NALF1: variants seen among roughly 807,000 people sequenced by gnomAD.
NALF1 encodes NALCN channel auxiliary factor 1, also known as family with sequence similarity 155 member A.
A neutral mutation model predicts 48.4 loss-of-function variants in NALF1; 3 were observed. The ratio of observed to expected loss-of-function variants is 0.06; its 90% CI spans 0.03 to 0.16. The LOEUF (loss-of-function observed/expected upper bound fraction) is 0.16. Ranked by LOEUF, NALF1 falls within the 10% of genes least tolerant of loss-of-function variation. The pLI, the probability that NALF1 is intolerant of heterozygous loss-of-function variation, is 1.00. For missense variants in NALF1, 526 were observed against 571.5 expected (o/e 0.92, Z 0.81); for synonymous variants, 262 against 245.7 (o/e 1.07, Z -0.62).
intron 1 of NALF1, among the ~76,000 whole-genome samples, chr13:107,487,665 G>A (rs1885351051): frequency 6.6e-6 from 1 of 152,280 alleles, no homozygotes; most frequent in Admixed American, 6.5e-5. Flanking sequence ...TGGATATGCT[G>A]CTGGATTCAG....
intron 1 of NALF1, among the ~76,000 whole-genome samples, chr13:107,564,017 T>A (rs1319732271): frequency 6.6e-6 from 1 of 152,176 alleles, no homozygotes; most frequent in Non-Finnish European, 1.5e-5. Flanking sequence ...TTTGGCCCCT[T>A]ATTGTTCAGG....
At chr13:107,600,793 T>C (rs189526114) in intron 1 of NALF1, among the ~76,000 whole-genome samples, 27 of 152,324 alleles carry the variant, frequency 1.8e-4, no homozygotes, top group African/African-American at 6.0e-4. Context: ...CATTAGTACT[T>C]TGAAATATTC....
chr13:107,316,777 G>T (rs1882158756), intron 1 of NALF1, among the ~76,000 whole-genome samples: 1 of 150,966 alleles, frequency 6.6e-6, no homozygotes, highest in Non-Finnish European at 1.5e-5. Flanking sequence ...TGAGTTCTTT[G>T]TAGATTCTTA....
intron 1 of NALF1, among the ~76,000 whole-genome samples, chr13:107,685,709 C>G (rs2138499908): frequency 6.6e-6 from 1 of 152,278 alleles, no homozygotes; most frequent in East Asian, 1.9e-4. Context: ...ATCGATGGAT[C>G]TCTAAATGTG....
At chr13:107,586,635 A>ATGTTTTTTTTTTTTTTTTTTTT (rs1878464742) in intron 1 of NALF1, among the ~76,000 whole-genome samples, 1 of 93,122 alleles carries the variant, frequency 1.1e-5, no homozygotes. Flanking sequence ...CCCTATGGAG[A>ATGTTTTTTTTTTTTTTTTTTTT]TTTTTTTTTT....
At chr13:107,643,620 A>G (rs566493015) in intron 1 of NALF1, among the ~76,000 whole-genome samples, 1 of 151,496 alleles carries the variant, frequency 6.6e-6, no homozygotes, top group Non-Finnish European at 1.5e-5. Context: ...ATAAAGGGGG[A>G]GGATTATTAG....
intron 1 of NALF1, among the ~76,000 whole-genome samples, chr13:107,419,302 G>C (rs1884144821): frequency 6.6e-6 from 1 of 152,158 alleles, no homozygotes; most frequent in Non-Finnish European, 1.5e-5. Flanking sequence ...AGCTATATTT[G>C]TTAATAAAGA....
At chr13:107,755,151 ATTACT>A (rs545649269) in intron 1 of NALF1, among the ~76,000 whole-genome samples, 170 of 152,238 alleles carry the variant, frequency 1.1e-3, no homozygotes, top group African/African-American at 3.8e-3. Flanking sequence ...TTGTTGACAG[ATTACT>A]TTGCTATGGG....
intron 1 of NALF1, among the ~76,000 whole-genome samples, chr13:107,419,775 C>A (rs537882662): frequency 6.6e-6 from 1 of 152,182 alleles, no homozygotes; most frequent in Admixed American, 6.5e-5. Flanking sequence ...ATCACATGAA[C>A]AAGTGGAATA....
chr13:107,778,545 C>T (rs953252853), intron 1 of NALF1, among the ~76,000 whole-genome samples: 1 of 152,152 alleles, frequency 6.6e-6, no homozygotes, highest in Non-Finnish European at 1.5e-5. Context: ...GGCTGGCAGT[C>T]TGTTGAAAGC....
chr13:107,691,107 G>C (rs1294281943), intron 1 of NALF1, among the ~76,000 whole-genome samples: 1 of 152,148 alleles, frequency 6.6e-6, no homozygotes, highest in African/African-American at 2.4e-5. Flanking sequence ...CTTATAAAAG[G>C]GGAAATCTGG....
chr13:107,631,529 T>C (rs1194008522), intron 1 of NALF1, among the ~76,000 whole-genome samples: 1 of 152,138 alleles, frequency 6.6e-6, no homozygotes, highest in Non-Finnish European at 1.5e-5. Context: ...GCAGAAACAA[T>C]GCCACTGAGT....
At chr13:107,778,089 T>C (rs1208025565) in intron 1 of NALF1, among the ~76,000 whole-genome samples, 2 of 152,218 alleles carry the variant, frequency 1.3e-5, no homozygotes, top group South Asian at 2.1e-4. Flanking sequence ...AATCCTGCGA[T>C]GAGGGAGACC....
At chr13:107,562,119 C>T (rs550308045) in intron 1 of NALF1, among the ~76,000 whole-genome samples, 1 of 152,294 alleles carries the variant, frequency 6.6e-6, no homozygotes, top group East Asian at 1.9e-4. Context: ...GCCTTGACAT[C>T]TTGGAAATGC....
rs368816212 is a variant in NALF1 at position 107,568,020 on chromosome 13, C to T, written c.915+297662G>A. On this transcript the variant is annotated intron_variant, in intron 1 of 2. Coordinates refer to ENST00000375915, the MANE Select transcript of NALF1 (RefSeq NM_001080396.3). Reference sequence around the variant, plus strand: ...GTGTCTTTCTCTGTCTGCTGGGGCCCAGGTGGGATTGCAGTGGTGTGAACA... The same window carrying T: ...GTGTCTTTCTCTGTCTGCTGGGGCCTAGGTGGGATTGCAGTGGTGTGAACA... Among the ~76,000 whole-genome samples, 4 of 152,252 alleles carry T rather than the reference C, an allele frequency of 2.6e-5. No homozygotes were observed. In the East Asian group the frequency reaches 7.7e-4, roughly 29 times the overall value.
In NALF1 at chr13:107,443,801, G is replaced by A. The variant is rs79445522; in HGVS notation, c.916-233046C>T. On this transcript the variant is annotated intron_variant, in intron 1 of 2. Coordinates refer to ENST00000375915, the MANE Select transcript of NALF1 (RefSeq NM_001080396.3). ...TGGTGTTATTAAATTTATGAGAAGG[G>A]GTCCTAGAGAAATATTTAAATAATA... Among the ~76,000 whole-genome samples the A allele has an allele frequency of 9.7e-3, 1,473 of 151,860 alleles. 10 individuals carry two copies. The highest frequency in any genetic ancestry group is 0.016 in the Non-Finnish European group (1,069 of 67,948).
At chr13:107,548,975 T>C (rs532428992) in intron 1 of NALF1, among the ~76,000 whole-genome samples, 1 of 152,272 alleles carries the variant, frequency 6.6e-6, no homozygotes, top group African/African-American at 2.4e-5. Flanking sequence ...AATACCATAA[T>C]TGCACATCGG....
rs549016535 is a variant in NALF1, at chr13:107,515,528, T to C, written c.916-304773A>G. On this transcript the variant is annotated intron_variant, in intron 1 of 2. Coordinates refer to ENST00000375915, the MANE Select transcript of NALF1 (RefSeq NM_001080396.3). ...AGAGACCTGCCCCACATTACATAGT[T>C]TCATGAGGAATAAACACTGGGTTTG... is the stretch of plus-strand genomic sequence containing the variant. Among the ~76,000 whole-genome samples the C allele has an allele frequency of 4.6e-5, 7 of 152,326 alleles. No homozygotes were observed. In the East Asian group the frequency reaches 1.4e-3, roughly 29 times the overall value.
intron 1 of NALF1, among the ~76,000 whole-genome samples, chr13:107,612,061 T>TG (rs1281444122): frequency 8.7e-5 from 3 of 34,482 alleles, no homozygotes; most frequent in Admixed American, 3.8e-4. Context: ...GAGAGGGGAG[T>TG]GGGGGGGAGA....
Sources: gnomAD v4.1 joint callset for allele counts (sites outside exome capture counted in the v4.1 genomes callset) on GRCh38, gnomAD v4.1.1 for gene constraint, MANE v1.5 for transcripts, NCBI Gene and HGNC (gene_info 2026-07-23, HGNC 2026-07-21) for gene names.